The following XRCC4 variants were observed in gnomAD, a reference collection of about 807,000 sequenced individuals.
XRCC4 encodes X-ray repair cross complementing 4, also known as DNA repair protein XRCC4.
In XRCC4, 28 loss-of-function variants were observed where a neutral mutation model predicts 39.1. That is an observed-to-expected ratio of 0.72 (90% confidence interval 0.53 to 0.98). The LOEUF (loss-of-function observed/expected upper bound fraction) is 0.98. Among genes scored for constraint, XRCC4 ranks in the 50% least tolerant of loss-of-function variants. The probability of loss-of-function intolerance (pLI) is 0.00; values close to 1 mark genes in which losing one functional copy is unlikely to be tolerated. For missense variants in XRCC4, 350 were observed against 376.4 expected (o/e 0.93, Z 0.58); for synonymous variants, 123 against 126.4 (o/e 0.97, Z 0.18).
At chr5:83,174,018 T>C (rs905123673) in intron 3 of XRCC4, among the ~76,000 whole-genome samples, 15 of 152,224 alleles carry the variant, frequency 9.9e-5, no homozygotes, top group Non-Finnish European at 2.1e-4. Flanking sequence ...AAACTTACCA[T>C]GAACTTGTAC....
intron 7 of XRCC4, among the ~76,000 whole-genome samples, chr5:83,281,916 T>C (rs79631430): frequency 6.6e-6 from 1 of 152,338 alleles, no homozygotes; most frequent in East Asian, 1.9e-4. Context: ...CTATAGAAGC[T>C]GACTGCCTGG....
At chr5:83,160,695 C>A (rs2112582390) in intron 3 of XRCC4, among the ~76,000 whole-genome samples, 1 of 152,120 alleles carries the variant, frequency 6.6e-6, no homozygotes, top group South Asian at 2.1e-4. Flanking sequence ...GTTTTAGTTG[C>A]CTTTGGGTAA....
At chr5:83,330,593 A>G (rs577542407) in intron 7 of XRCC4, among the ~76,000 whole-genome samples, 1 of 152,022 alleles carries the variant, frequency 6.6e-6, no homozygotes, top group East Asian at 1.9e-4. Flanking sequence ...GGTTATACTT[A>G]TGTGGAGAGG....
intron 7 of XRCC4, among the ~76,000 whole-genome samples, chr5:83,302,970 T>C (rs1222208218): frequency 6.6e-6 from 1 of 152,134 alleles, no homozygotes. Flanking sequence ...CCCAGCACTT[T>C]GGGAAGCTGA....
intron 7 of XRCC4, among the ~76,000 whole-genome samples, chr5:83,349,804 GGTTT>G (rs1203241939): frequency 6.6e-6 from 1 of 152,036 alleles, no homozygotes; most frequent in Non-Finnish European, 1.5e-5. Context: ...TACATGTGCG[GGTTT>G]GTTACAGGGG....
intron 7 of XRCC4, among the ~76,000 whole-genome samples, chr5:83,300,013 G>T (rs1464443466): frequency 6.6e-6 from 1 of 152,156 alleles, no homozygotes; most frequent in Admixed American, 6.5e-5. Context: ...GTATGAAGAT[G>T]TTTTTCCTGA....
At chr5:83,095,870 C>T (rs919908305) in intron 1 of XRCC4, among the ~76,000 whole-genome samples, 9 of 152,082 alleles carry the variant, frequency 5.9e-5, no homozygotes, top group African/African-American at 2.2e-4. Context: ...CTTCTTTCAG[C>T]AGTTCCCTGT....
At chr5:83,293,695 T>C (rs1755000614) in intron 7 of XRCC4, among the ~76,000 whole-genome samples, 1 of 151,974 alleles carries the variant, frequency 6.6e-6, no homozygotes, top group South Asian at 2.1e-4. Context: ...GAGATAGCAC[T>C]CCTGCATTTT....
intron 1 of XRCC4, among the ~76,000 whole-genome samples, chr5:83,085,741 A>C (rs989870433): frequency 6.6e-6 from 1 of 152,136 alleles, no homozygotes. Context: ...AAAAGTTTAT[A>C]CTCTGATAAC....
In XRCC4 at chr5:83,353,112, A is replaced by T; in HGVS notation, c.894-19A>T. ...AGTTTTTAAAAATAAAACTATTTTGATTTTCTTTTCAGTTCTAGGCCTGAT... is the reference window on the plus strand; with the variant it reads ...AGTTTTTAAAAATAAAACTATTTTGTTTTTCTTTTCAGTTCTAGGCCTGAT... On this transcript the variant is annotated intron_variant, in intron 7 of 7. Coordinates refer to ENST00000396027, the MANE Select transcript of XRCC4 (RefSeq NM_003401.5). The T allele has an allele frequency of 6.4e-7, 1 of 1,553,220 alleles. No homozygotes were observed. Among genetic ancestry groups the T allele is most frequent in the Non-Finnish European group, 8.7e-7 (1 of 1,151,774 alleles).
intron 7 of XRCC4, among the ~76,000 whole-genome samples, chr5:83,269,168 A>T (rs1288984103): frequency 1.3e-5 from 2 of 152,128 alleles, no homozygotes. Flanking sequence ...CCAGAAGAGG[A>T]AAACAAACCC....
chr5:83,298,396 G>A (rs1755166823), intron 7 of XRCC4, among the ~76,000 whole-genome samples: 1 of 151,756 alleles, frequency 6.6e-6, no homozygotes, highest in Non-Finnish European at 1.5e-5. Flanking sequence ...TCTCTTTATA[G>A]TTGTCAATCT....
At chr5:83,302,464 G>T (rs151251244) in intron 7 of XRCC4, among the ~76,000 whole-genome samples, 1,775 of 152,218 alleles carry the variant, frequency 0.012, 23 homozygotes, top group African/African-American at 0.037. Context: ...GATCCCTTGC[G>T]CTTCCCAGGT....
Position 83,269,327 on chromosome 5 carries a change from G to A in XRCC4, c.893+10650G>A, listed in dbSNP as rs576570483. On this transcript the variant is annotated intron_variant, in intron 7 of 7. Transcript: ENST00000396027. ...GCTGGGACTATAGCACCAAACGAAA[G>A]AGACCAGGTGCTTTCCCTCAAGGAG... Among the ~76,000 whole-genome samples the A allele has an allele frequency of 5.3e-5, 8 of 152,110 alleles. No homozygotes were observed. In the South Asian group the frequency reaches 1.7e-3, roughly 32 times the overall value.
chr5:83,141,346 G>C lies in XRCC4; in HGVS notation c.315+30143G>C, dbSNP rs555997172. On this transcript the variant is annotated intron_variant, in intron 3 of 7. Transcript: ENST00000396027. ...ACATGTGTGATTGGTAGATCAAAAA[G>C]TAAGTATGCATGTTGTTTTCTTAGA... 5.3e-5 allele frequency among the ~76,000 whole-genome samples: 8 copies of C among 152,296 alleles called. No homozygotes were observed. In the South Asian group the frequency reaches 1.7e-3, roughly 32 times the overall value.
At chr5:83,113,941 A>G (rs990928276) in intron 3 of XRCC4, among the ~76,000 whole-genome samples, 1 of 152,138 alleles carries the variant, frequency 6.6e-6, no homozygotes, top group Admixed American at 6.5e-5. Context: ...ATTTCTATAC[A>G]TCATCTGAAA....
intron 3 of XRCC4, among the ~76,000 whole-genome samples, chr5:83,129,244 A>G (rs1460403719): frequency 7.0e-6 from 1 of 141,916 alleles, no homozygotes; most frequent in East Asian, 2.0e-4. Flanking sequence ...TCCTTTCCCC[A>G]TTGCTTGTTT....
chr5:83,176,771 G>A (rs1223945963), intron 3 of XRCC4, among the ~76,000 whole-genome samples: 4 of 152,100 alleles, frequency 2.6e-5, no homozygotes, highest in East Asian at 1.9e-4. Context: ...ACAGGGGCAC[G>A]CCAGCACACC....
chr5:83,355,482 C>T (rs1056253211), downstream of XRCC4, among the ~76,000 whole-genome samples: 1 of 152,132 alleles, frequency 6.6e-6, no homozygotes, highest in Non-Finnish European at 1.5e-5. Flanking sequence ...ACATAGTAGG[C>T]ACTCGAAAGT....
Sources: gnomAD v4.1 joint callset for allele counts (sites outside exome capture counted in the v4.1 genomes callset) on GRCh38, gnomAD v4.1.1 for gene constraint, MANE v1.5 for transcripts, NCBI Gene and HGNC (gene_info 2026-07-23, HGNC 2026-07-21) for gene names.